Variants in RGS7 observed in about 807,000 individuals in gnomAD.
The protein encoded by RGS7 is regulator of G-protein signaling 7.
A neutral mutation model predicts 81.1 loss-of-function variants in RGS7; 27 were observed. That is an observed-to-expected ratio of 0.33 (90% CI 0.25 to 0.46). The LOEUF (loss-of-function observed/expected upper bound fraction) is 0.46, where lower values mean the gene tolerates loss of function less well. Ranked by LOEUF, RGS7 falls within the 20% of genes least tolerant of loss-of-function variation. The pLI is 1.00. For missense variants in RGS7, 396 were observed against 607.4 expected (o/e 0.65, Z 3.66); for synonymous variants, 208 against 207.7 (o/e 1.00, Z -0.01).
At position 241,265,162 on chromosome 1, in the gene RGS7, C is replaced by G. The variant is rs1558252185; in HGVS notation, c.78+90537G>C. On this transcript the variant is annotated intron_variant, in intron 2 of 18. Coordinates refer to ENST00000440928, the MANE Select transcript of RGS7 (RefSeq NM_001364886.1). ...TGTTCACCGTGTTCCCAAGTGCAGC[C>G]TTTGTGTGGCTGTTCCTGCAGTGGC... Among the ~76,000 whole-genome samples the G allele has an allele frequency of 2.0e-5, 3 of 152,332 alleles. No individual in the cohort carries two copies. In the South Asian group the frequency reaches 6.2e-4, roughly 32 times the overall value.
At chr1:241,340,518 G>A (rs1054423750) in intron 2 of RGS7, among the ~76,000 whole-genome samples, 11 of 152,168 alleles carry the variant, frequency 7.2e-5, no homozygotes, top group Admixed American at 2.0e-4. Flanking sequence ...TGCCCCATCC[G>A]AAAACTCCAA....
intron 3 of RGS7, among the ~76,000 whole-genome samples, chr1:241,069,833 C>T (rs890196524): frequency 1.3e-5 from 2 of 152,102 alleles, no homozygotes; most frequent in Non-Finnish European, 2.9e-5. Context: ...AGAAGAAAAA[C>T]AATCGGAGTC....
At chr1:241,161,618 TTTAA>T (rs916061350) in intron 2 of RGS7, among the ~76,000 whole-genome samples, 57 of 150,720 alleles carry the variant, frequency 3.8e-4, no homozygotes, top group African/African-American at 1.4e-3. Context: ...TAATATTCAA[TTTAA>T]TTCTCATTTC....
intron 2 of RGS7, among the ~76,000 whole-genome samples, chr1:241,171,169 T>C (rs1309865675): frequency 6.6e-6 from 1 of 152,212 alleles, no homozygotes; most frequent in Non-Finnish European, 1.5e-5. Context: ...TTCTGTCCAA[T>C]GAGTTATCTT....
At chr1:241,053,064 T>C (rs562811800) in intron 3 of RGS7, among the ~76,000 whole-genome samples, 1 of 152,144 alleles carries the variant, frequency 6.6e-6, no homozygotes, top group Non-Finnish European at 1.5e-5. Flanking sequence ...ACTGAAAATA[T>C]CTCTTGACAT....
At chr1:240,832,599 T>C (rs550281668) in intron 9 of RGS7, among the ~76,000 whole-genome samples, 28 of 152,314 alleles carry the variant, frequency 1.8e-4, no homozygotes, top group Non-Finnish European at 3.1e-4. Context: ...TTTCATGCGA[T>C]AGTACATTTT....
intron 14 of RGS7, 135 bp downstream of exon 14, chr1:240,811,783 G>T (rs1572200760): frequency 4.8e-6 from 4 of 825,716 alleles, no homozygotes; most frequent in East Asian, 5.0e-5. Context: ...CCTTCATTAG[G>T]TGGCAGAAAT....
At chr1:241,205,999 G>A (rs2073855130) in intron 2 of RGS7, among the ~76,000 whole-genome samples, 1 of 144,104 alleles carries the variant, frequency 6.9e-6, no homozygotes, top group Admixed American at 7.0e-5. Flanking sequence ...TTTCGTAAGT[G>A]TTTTTTTTTT....
At chr1:240,780,866 A>T (rs540203681) in intron 18 of RGS7, among the ~76,000 whole-genome samples, 1 of 149,408 alleles carries the variant, frequency 6.7e-6, no homozygotes, top group South Asian at 2.1e-4. Flanking sequence ...GTGAGTCGAG[A>T]TCGCACCACT....
At chr1:241,094,274 CACAG>C (rs1408464824) in intron 3 of RGS7, among the ~76,000 whole-genome samples, 3 of 151,674 alleles carry the variant, frequency 2.0e-5, no homozygotes, top group Non-Finnish European at 4.4e-5. Flanking sequence ...CACACACACA[CACAG>C]AGTCACACAC....
chr1:240,913,506 T>C (rs1435511632), intron 6 of RGS7, among the ~76,000 whole-genome samples: 2 of 152,192 alleles, frequency 1.3e-5, no homozygotes, highest in East Asian at 1.9e-4. Flanking sequence ...TTAAATGTTT[T>C]AGTTCCTTTT....
At chr1:241,085,396 G>C (rs1238887741) in intron 3 of RGS7, among the ~76,000 whole-genome samples, 1 of 151,982 alleles carries the variant, frequency 6.6e-6, no homozygotes, top group East Asian at 1.9e-4. Context: ...TGTACATCAT[G>C]AACTCGGGGA....
rs1238344089 is a variant in RGS7 at position 241,164,286 on chromosome 1, T to A, written c.79-65524A>T. 7.7e-6 allele frequency among the ~76,000 whole-genome samples: 1 copy of A among 130,350 alleles called. No homozygotes were observed. The highest frequency in any genetic ancestry group is 1.6e-5 in the Non-Finnish European group (1 of 60,830). 85.5% of individuals were successfully genotyped at this position (130,350 alleles called of 152,430 possible). ...AACCCTATCCTCTTTTTTTTTTTTT[T>A]AAGCTTCATTATGTAAGCATGATTG... is the stretch of plus-strand genomic sequence containing the variant. On this transcript the variant is annotated intron_variant, in intron 2 of 18. Transcript: ENST00000440928. The surrounding 1 kb of genome is among the most constrained non-coding windows in gnomAD (Gnocchi z 4.1).
At chr1:240,889,205 C>T (rs1353845211) in intron 6 of RGS7, among the ~76,000 whole-genome samples, 1 of 152,132 alleles carries the variant, frequency 6.6e-6, no homozygotes. Context: ...GATCTGCCCG[C>T]CTTGGCCTCC....
chr1:241,175,869 G>A (rs917016164), intron 2 of RGS7, among the ~76,000 whole-genome samples: 1 of 152,222 alleles, frequency 6.6e-6, no homozygotes, highest in African/African-American at 2.4e-5. Flanking sequence ...AAGTGCAGAG[G>A]CCCATTTAGC....
chr1:241,127,836 T>C (rs1195008238), intron 2 of RGS7, among the ~76,000 whole-genome samples: 4 of 152,226 alleles, frequency 2.6e-5, no homozygotes, highest in African/African-American at 4.8e-5. Context: ...GATTATTCTC[T>C]TCAAATGATT....
At chr1:241,079,490 T>A (rs1022214259) in intron 3 of RGS7, among the ~76,000 whole-genome samples, 1 of 151,840 alleles carries the variant, frequency 6.6e-6, no homozygotes, top group South Asian at 2.1e-4. Context: ...AGAAAAGGAA[T>A]GATTAATGCC....
intron 3 of RGS7, among the ~76,000 whole-genome samples, chr1:241,079,142 C>T (rs999710993): frequency 4.6e-5 from 7 of 152,144 alleles, no homozygotes; most frequent in Non-Finnish European, 2.9e-5. Flanking sequence ...CTAGTGTTCC[C>T]TGCTGAGATA....
chr1:241,269,191 T>C (rs888820621), intron 2 of RGS7, among the ~76,000 whole-genome samples: 1 of 152,236 alleles, frequency 6.6e-6, no homozygotes, highest in Non-Finnish European at 1.5e-5. Context: ...GACTCGTGGG[T>C]CTCTTTTTAA....
Sources: gnomAD v4.1 joint callset for allele counts (sites outside exome capture counted in the v4.1 genomes callset) on GRCh38, gnomAD v4.1.1 for gene constraint, Gnocchi (gnomAD v3.1) non-coding constraint, MANE v1.5 for transcripts, NCBI Gene and HGNC (gene_info 2026-07-23, HGNC 2026-07-21) for gene names.